The following BABAM2 variants were observed in gnomAD, a reference collection of about 807,000 sequenced individuals.
BABAM2 encodes the protein BRISC and BRCA1 A complex member 2, also known as BRISC and BRCA1-A complex member 2.
A neutral mutation model predicts 54.7 loss-of-function variants in BABAM2; 31 were observed. The ratio of observed to expected loss-of-function variants is 0.57; its 90% confidence interval spans 0.43 to 0.77. The LOEUF is 0.77. BABAM2 is among the 30% of genes least tolerant of loss of function. The pLI, the probability that BABAM2 is intolerant of heterozygous loss-of-function variation, is 0.00. For synonymous variants in BABAM2, 167 were observed against 162.9 expected (o/e 1.03, Z -0.19); for missense variants, 364 against 455.8 (o/e 0.80, Z 1.83).
rs138478030 is a variant in BABAM2, at chr2:27,923,991, A to G, written c.129-5841A>G. On this transcript the variant is annotated intron_variant, in intron 2 of 11. Transcript: ENST00000379624. ...TTTCAAAAAATTTAAAAAAAAATGC[A>G]GAAAAGTAATTAGAAGAATCTTGTA... Among the ~76,000 whole-genome samples the G allele has an allele frequency of 3.9e-5, 6 of 152,268 alleles. No individual in the cohort carries two copies. The East Asian group carries it at 1.2e-3, about 29-fold the overall frequency.
intron 3 of BABAM2, among the ~76,000 whole-genome samples, chr2:27,982,848 C>T (rs144667224): frequency 0.19 from 27,249 of 144,188 alleles, 3,144 homozygotes; most frequent in Non-Finnish European, 0.27. Flanking sequence ...TATGTGTACA[C>T]ACACACACAC....
chr2:28,183,739 TCACACA>T (rs1286120518), intron 7 of BABAM2, among the ~76,000 whole-genome samples: 57 of 133,124 alleles, frequency 4.3e-4, no homozygotes, highest in African/African-American at 1.2e-3. Flanking sequence ...TGGATGAAGA[TCACACA>T]CACACACACA....
At chr2:28,011,801 C>T (rs1674420354) in intron 4 of BABAM2, among the ~76,000 whole-genome samples, 1 of 145,634 alleles carries the variant, frequency 6.9e-6, no homozygotes, top group South Asian at 2.3e-4. Flanking sequence ...TCAGAATCTA[C>T]TGTGGGGTCT....
At chr2:28,327,638 C>G (rs1381805678) in intron 11 of BABAM2, among the ~76,000 whole-genome samples, 1 of 152,182 alleles carries the variant, frequency 6.6e-6, no homozygotes, top group Admixed American at 6.5e-5. Flanking sequence ...AAATTGTAGT[C>G]TAGACACCAA....
chr2:28,027,585 C>G (rs1422049448), intron 5 of BABAM2, among the ~76,000 whole-genome samples: 4 of 152,186 alleles, frequency 2.6e-5, no homozygotes, highest in Non-Finnish European at 5.9e-5. Context: ...TGACTGACTT[C>G]TTTCACTTAG....
intron 10 of BABAM2, among the ~76,000 whole-genome samples, chr2:28,260,415 C>T (rs542481228): frequency 7.4e-5 from 11 of 147,842 alleles, no homozygotes; most frequent in Admixed American, 2.7e-4. Context: ...GATTCTCCTG[C>T]GTTAGCCTCC....
rs151049144 is a variant in BABAM2 at position 27,916,095 on chromosome 2, C to G, written c.129-13737C>G. Reference sequence around the variant, plus strand: ...GAGATCAAAGCTCTGCTAGTACATTCCCTTGAGAATCAGAGCTATTGGAGC... The same window carrying G: ...GAGATCAAAGCTCTGCTAGTACATTGCCTTGAGAATCAGAGCTATTGGAGC... On this transcript the variant is annotated intron_variant, in intron 2 of 11. Transcript: ENST00000379624. Among the ~76,000 whole-genome samples, 318 of 152,260 alleles carry G rather than the reference C, an allele frequency of 2.1e-3. 1 individual carries two copies. Among genetic ancestry groups the G allele is most frequent in the African/African-American group, 7.2e-3 (301 of 41,554 alleles).
chr2:28,199,310 C>T (rs1474590229), intron 7 of BABAM2, among the ~76,000 whole-genome samples: 1 of 152,222 alleles, frequency 6.6e-6, no homozygotes, highest in Non-Finnish European at 1.5e-5. Flanking sequence ...GTTTTATGTG[C>T]ATATTCTTGG....
In BABAM2 at chr2:28,176,569, CAAAAAAAAAAAAAAA is replaced by C. The variant is rs778275011; in HGVS notation, c.680+47202_680+47216del. On this transcript the variant is annotated intron_variant, in intron 7 of 11. Coordinates refer to ENST00000379624, the MANE Select transcript of BABAM2 (RefSeq NM_199191.3). The stretch of plus-strand genomic sequence containing the variant: ...TGGGCAACACAGTGAGACTCTATCT[CAAAAAAAAAAAAAAA>C]AAAAAAAAAAAACCTCACTGAGATA... Among the ~76,000 whole-genome samples, 7 of 5,040 alleles carry C rather than the reference CAAAAAAAAAAAAAAA, an allele frequency of 1.4e-3. 1 individual carries two copies. Among genetic ancestry groups the C allele is most frequent in the Non-Finnish European group, 2.1e-3 (6 of 2,864 alleles). 3.3% of individuals were successfully genotyped at this position (5,040 alleles called of 152,430 possible).
At chr2:28,328,450 A>C (rs1040119548) in intron 11 of BABAM2, among the ~76,000 whole-genome samples, 2 of 152,154 alleles carry the variant, frequency 1.3e-5, no homozygotes, top group African/African-American at 4.8e-5. Context: ...TGATTTCCTG[A>C]CAGTGAGGGC....
At chr2:28,074,422 G>A (rs1256112796) in intron 6 of BABAM2, among the ~76,000 whole-genome samples, 1 of 152,064 alleles carries the variant, frequency 6.6e-6, no homozygotes, top group Non-Finnish European at 1.5e-5. Flanking sequence ...GTCCCCGGGA[G>A]GGCAAAATTA....
chr2:28,019,039 C>T (rs1455087165), intron 4 of BABAM2, among the ~76,000 whole-genome samples: 1 of 152,000 alleles, frequency 6.6e-6, no homozygotes, highest in Non-Finnish European at 1.5e-5. Context: ...TGTGAAGTTC[C>T]CCTCCCTGTG....
chr2:28,165,464 T>G (rs1016174508), intron 7 of BABAM2, among the ~76,000 whole-genome samples: 2 of 150,260 alleles, frequency 1.3e-5, no homozygotes, highest in Non-Finnish European at 3.0e-5. Flanking sequence ...AGTTTAAAAA[T>G]CTGGAGTATG....
chr2:28,088,425 C>T (rs1404326710), intron 6 of BABAM2, among the ~76,000 whole-genome samples: 1 of 152,182 alleles, frequency 6.6e-6, no homozygotes, highest in Admixed American at 6.5e-5. Context: ...AAAACTTGCT[C>T]TTAGGATCCC....
intron 6 of BABAM2, among the ~76,000 whole-genome samples, chr2:28,060,323 G>C (rs1455708173): frequency 2.6e-5 from 4 of 152,010 alleles, no homozygotes; most frequent in African/African-American, 9.7e-5. Flanking sequence ...AAAACTCTTA[G>C]GAATCTAGGA....
intron 7 of BABAM2, among the ~76,000 whole-genome samples, chr2:28,196,084 T>C (rs1379675527): frequency 1.3e-5 from 2 of 152,144 alleles, no homozygotes; most frequent in Non-Finnish European, 2.9e-5. Context: ...TCCCAGCACT[T>C]TGGGAGGCCG....
intron 7 of BABAM2, among the ~76,000 whole-genome samples, chr2:28,177,539 A>C (rs915454809): frequency 2.0e-5 from 3 of 151,866 alleles, no homozygotes; most frequent in Non-Finnish European, 4.4e-5. Flanking sequence ...ACAGAAAATT[A>C]CCAAACTGCA....
At chr2:27,988,200 C>A (rs1672538153) in intron 4 of BABAM2, 113 bp downstream of exon 4, 2 of 945,642 alleles carry the variant, frequency 2.1e-6, no homozygotes, top group Non-Finnish European at 3.4e-6. Flanking sequence ...TTTTTTCCCA[C>A]CCCTCTTTTC....
intron 7 of BABAM2, among the ~76,000 whole-genome samples, chr2:28,233,701 A>G (rs866751041): frequency 2.6e-5 from 4 of 152,220 alleles, no homozygotes; most frequent in East Asian, 1.9e-4. Flanking sequence ...AGTTAAAACT[A>G]TCTTTCGTAG....
Sources: gnomAD v4.1 joint callset for allele counts (sites outside exome capture counted in the v4.1 genomes callset) on GRCh38, gnomAD v4.1.1 for gene constraint, MANE v1.5 for transcripts, NCBI Gene and HGNC (gene_info 2026-07-23, HGNC 2026-07-21) for gene names.